The following TMEFF1 variants were observed in gnomAD, a reference collection of about 807,000 sequenced individuals.
The protein encoded by TMEFF1 is transmembrane protein with EGF like and two follistatin like domains 1.
Under a neutral mutation model 47.5 loss-of-function variants are expected in TMEFF1, and 20 were observed. The ratio of observed to expected loss-of-function variants is 0.42; its 90% CI spans 0.30 to 0.61. The LOEUF is 0.61. TMEFF1 is among the 20% of genes least tolerant of loss of function. TMEFF1 has a pLI of 0.19. For synonymous variants in TMEFF1, 162 were observed against 166.3 expected (o/e 0.97, Z 0.20); for missense variants, 411 against 471.1 (o/e 0.87, Z 1.18).
intron 1 of TMEFF1, among the ~76,000 whole-genome samples, chr9:100,495,961 C>T (rs1837643120): frequency 6.6e-6 from 1 of 152,176 alleles, no homozygotes; most frequent in African/African-American, 2.4e-5. Context: ...CCTCTTTGCC[C>T]GACACTACCA....
intron 2 of TMEFF1, among the ~76,000 whole-genome samples, chr9:100,503,347 C>T (rs1384845220): frequency 6.6e-6 from 1 of 151,968 alleles, no homozygotes; most frequent in Non-Finnish European, 1.5e-5. Flanking sequence ...ATTAATACTG[C>T]ATCTTTCCCT....
At chr9:100,537,025 C>T (rs1267814548) in intron 5 of TMEFF1, among the ~76,000 whole-genome samples, 1 of 152,160 alleles carries the variant, frequency 6.6e-6, no homozygotes, top group Admixed American at 6.5e-5. Flanking sequence ...TAAAAGATTT[C>T]AGCATGCTGA....
rs118191663 is a variant in TMEFF1, at chr9:100,549,394, G to A, written c.710-701G>A. Among the ~76,000 whole-genome samples the A allele has an allele frequency of 8.1e-3, 1,236 of 152,254 alleles. 18 individuals carry two copies. Among genetic ancestry groups the A allele is most frequent in the East Asian group, 0.034 (178 of 5,166 alleles). On this transcript the variant is annotated intron_variant, in intron 6 of 9. Transcript: ENST00000374879. ...CCTTCCACAAGGCCCCTTTTCCAAC[G>A]TTGGGGATTACAATTAGACACGGCA...
At chr9:100,559,530 G>C (rs35394420) in intron 7 of TMEFF1, among the ~76,000 whole-genome samples, 3,823 of 152,108 alleles carry the variant, frequency 0.025, 61 homozygotes, top group Middle Eastern at 0.037. Flanking sequence ...ATTTTAAAAA[G>C]TAAAAATATC....
intron 5 of TMEFF1, among the ~76,000 whole-genome samples, chr9:100,545,677 A>G (rs1838720126): frequency 1.3e-5 from 2 of 152,248 alleles, no homozygotes; most frequent in East Asian, 1.9e-4. Flanking sequence ...CTTTTCTATC[A>G]CATTGTCAGG....
chr9:100,487,359 G>A lies in TMEFF1; in HGVS notation c.197-11406G>A, dbSNP rs576587451. Reference sequence around the variant, plus strand: ...TCTTCTGTATTTTTAGTACAGATGGGGTTTCACCATGTTTGCTAGGCTGGT... The same window carrying A: ...TCTTCTGTATTTTTAGTACAGATGGAGTTTCACCATGTTTGCTAGGCTGGT... On this transcript the variant is annotated intron_variant, in intron 1 of 9. Transcript: ENST00000374879. Among the ~76,000 whole-genome samples, 11 of 152,048 alleles carry A rather than the reference G, an allele frequency of 7.2e-5. No homozygotes were observed. The Middle Eastern group carries it at 0.01, about 141-fold the overall frequency.
intron 7 of TMEFF1, among the ~76,000 whole-genome samples, chr9:100,559,614 T>TA (rs1380339381): frequency 6.6e-6 from 1 of 151,730 alleles, no homozygotes; most frequent in Non-Finnish European, 1.5e-5. Context: ...TGATTAAAAT[T>TA]AATTTACTTG....
chr9:100,543,534 A>C (rs1369049039), intron 5 of TMEFF1, among the ~76,000 whole-genome samples: 2 of 152,026 alleles, frequency 1.3e-5, no homozygotes, highest in African/African-American at 4.8e-5. Flanking sequence ...AAAATCATTT[A>C]GGTCTAGGAT....
chr9:100,547,279 G>A (rs1170523696), intron 5 of TMEFF1, among the ~76,000 whole-genome samples: 1 of 152,092 alleles, frequency 6.6e-6, no homozygotes, highest in Non-Finnish European at 1.5e-5. Flanking sequence ...GCCTCCCGAA[G>A]TGTTGGGATT....
Position 100,547,959 on chromosome 9 carries a change from A to C in TMEFF1, c.709+67A>C, listed in dbSNP as rs1838766176. 7 of 1,337,738 alleles carry C rather than the reference A, an allele frequency of 5.2e-6. No homozygotes were observed. In the South Asian group the frequency reaches 1.8e-4, roughly 34 times the overall value. 82.9% of individuals were successfully genotyped at this position (1,337,738 alleles called of 1,614,324 possible). A position where few individuals can be genotyped will look rare whatever the true frequency, so the allele number is the denominator to read the frequency against. The stretch of plus-strand genomic sequence containing the variant: ...TGTATAAATGTAATCTTATTTGTAC[A>C]TTTGGTAGTGTTTCAAATTTGTAAA... On this transcript the variant is annotated intron_variant, in intron 6 of 9. Transcript: ENST00000374879.
At chr9:100,508,666 A>G (rs1458293352) in intron 2 of TMEFF1, among the ~76,000 whole-genome samples, 3 of 151,938 alleles carry the variant, frequency 2.0e-5, no homozygotes, top group Non-Finnish European at 4.4e-5. Context: ...GAATGAATAA[A>G]TGAATTTTGA....
intron 4 of TMEFF1, among the ~76,000 whole-genome samples, chr9:100,515,106 C>T (rs556738207): frequency 5.9e-5 from 9 of 152,122 alleles, no homozygotes; most frequent in Non-Finnish European, 1.2e-4. Context: ...GTTGAGGCTG[C>T]AGTGAGTGGT....
intron 5 of TMEFF1, among the ~76,000 whole-genome samples, chr9:100,543,704 A>AACACACACACAC (rs36046142): frequency 1.9e-4 from 27 of 138,934 alleles, no homozygotes; most frequent in African/African-American, 6.2e-4. Context: ...GATGAAGTAA[A>AACACACACACAC]ACACACACAC....
chr9:100,485,065 C>A (rs1053157030), intron 1 of TMEFF1, among the ~76,000 whole-genome samples: 10 of 152,162 alleles, frequency 6.6e-5, no homozygotes, highest in African/African-American at 1.7e-4. Flanking sequence ...TAATTGGCTT[C>A]TTTCTCTTAG....
At chr9:100,526,851 A>C (rs973052427) in intron 5 of TMEFF1, among the ~76,000 whole-genome samples, 1 of 148,426 alleles carries the variant, frequency 6.7e-6, no homozygotes, top group Non-Finnish European at 1.5e-5. Context: ...CATGGTGCAC[A>C]TGCCTGTCAA....
intron 7 of TMEFF1, among the ~76,000 whole-genome samples, 165 bp downstream of exon 7, chr9:100,550,325 A>T (rs1168392006): frequency 6.6e-6 from 1 of 152,212 alleles, no homozygotes; most frequent in Admixed American, 6.5e-5. Context: ...AAACAGCTGA[A>T]GTTCATCTCA....
chr9:100,517,905 G>A (rs1202597092), intron 5 of TMEFF1, among the ~76,000 whole-genome samples: 1 of 152,080 alleles, frequency 6.6e-6, no homozygotes, highest in Admixed American at 6.6e-5. Context: ...TAATGATATG[G>A]CATGATGAAA....
In TMEFF1 at chr9:100,473,301, C is replaced by T. The variant is rs1182871747; in HGVS notation, c.-244C>T. On this transcript the variant is annotated 5_prime_UTR_variant, in exon 1 of 10. Coordinates refer to ENST00000374879, the MANE Select transcript of TMEFF1 (RefSeq NM_003692.5). This position sits in a 1 kb window ranked among gnomAD's most constrained non-coding sequence, Gnocchi z 5.4. ...CGGTGTCCCCCACGCCGGCTCGCAC[C>T]CTCGCGCGCACCCTTGCGCGCCCGC... The T allele has an allele frequency of 6.2e-6, 1 of 162,238 alleles. No homozygotes were observed. The highest frequency in any genetic ancestry group is 1.3e-5 in the Non-Finnish European group (1 of 76,248). The allele number at this position is 162,238 out of a possible 1,614,324, so 10.0% of individuals were successfully genotyped here. A position where few individuals can be genotyped will look rare whatever the true frequency, so the allele number is the denominator to read the frequency against.
At chr9:100,525,001 A>G (rs1026420834) in intron 5 of TMEFF1, among the ~76,000 whole-genome samples, 2 of 152,164 alleles carry the variant, frequency 1.3e-5, no homozygotes, top group African/African-American at 4.8e-5. Context: ...TGGGCAGTCT[A>G]TCTTCTGACT....
Sources: gnomAD v4.1 joint callset for allele counts (sites outside exome capture counted in the v4.1 genomes callset) on GRCh38, gnomAD v4.1.1 for gene constraint, Gnocchi (gnomAD v3.1) non-coding constraint, MANE v1.5 for transcripts, NCBI Gene and HGNC (gene_info 2026-07-23, HGNC 2026-07-21) for gene names.